Variants in AGMO observed in about 807,000 individuals in gnomAD.
AGMO encodes alkylglycerol monooxygenase.
AGMO carries 75 observed loss-of-function variants against 60.2 expected under a neutral mutation model. The ratio of observed to expected loss-of-function variants is 1.25; its 90% confidence interval spans 1.03 to 1.51. AGMO has a LOEUF of 1.51. Ranked by LOEUF, AGMO falls within the 40% of genes most tolerant of loss-of-function variation. The probability of loss-of-function intolerance (pLI) is 0.00; values close to 1 mark genes in which losing one functional copy is unlikely to be tolerated. For missense variants in AGMO, 763 were observed against 525.5 expected, an observed-to-expected ratio of 1.45 and a Z score of -4.42; for synonymous variants, 261 against 177.1, an observed-to-expected ratio of 1.47 and a Z score of -3.76.
chr7:15,373,061 C>T (rs573030005), intron 10 of AGMO, among the ~76,000 whole-genome samples: 7 of 152,160 alleles, frequency 4.6e-5, no homozygotes, highest in Middle Eastern at 3.4e-3. Flanking sequence ...GCCAGGAGTT[C>T]GAGACCAGCC....
intron 3 of AGMO, among the ~76,000 whole-genome samples, chr7:15,484,747 T>C (rs554528275): frequency 2.6e-5 from 4 of 152,252 alleles, no homozygotes; most frequent in East Asian, 1.9e-4. Context: ...AAGGGGAAGA[T>C]AGAGATGGCA....
chr7:15,560,923 A>G (rs1378896093), intron 1 of AGMO, among the ~76,000 whole-genome samples: 1 of 152,204 alleles, frequency 6.6e-6, no homozygotes, highest in Non-Finnish European at 1.5e-5. Context: ...ATTTATGAAG[A>G]TATCAGTGCC....
chr7:15,241,459 C>CAACAAA lies in AGMO; in HGVS notation c.1264-40101_1264-40100insTTTGTT, dbSNP rs1397699834. Among the ~76,000 whole-genome samples, 5 of 51,362 alleles carry CAACAAA rather than the reference C, an allele frequency of 9.7e-5. 1 individual carries two copies. Among genetic ancestry groups the CAACAAA allele is most frequent in the Admixed American group, 2.5e-4 (1 of 3,944 alleles). The allele number at this position is 51,362 out of a possible 152,430, so 33.7% of individuals were successfully genotyped here. Reference sequence around the variant, plus strand: ...TGGGCGAAAGAGTGAGACTCCGTCTCAAAAAAAAAAAAAAAAAAAAAAAAA... The same window carrying CAACAAA: ...TGGGCGAAAGAGTGAGACTCCGTCTCAACAAAAAAAAAAAAAAAAAAAAAAAAAAAA... On this transcript the variant is annotated intron_variant, in intron 12 of 12. Transcript: ENST00000342526.
chr7:15,357,086 T>C (rs1782562796), intron 12 of AGMO, among the ~76,000 whole-genome samples: 1 of 151,136 alleles, frequency 6.6e-6, no homozygotes, highest in Non-Finnish European at 1.5e-5. Context: ...ATTGCACCAT[T>C]GCACAGAAGC....
chr7:15,547,476 G>T lies in AGMO; in HGVS notation c.258-2553C>A, dbSNP rs545565142. Among the ~76,000 whole-genome samples the T allele has an allele frequency of 4.1e-3, 629 of 152,210 alleles. 2 individuals are homozygous for T. Among genetic ancestry groups the T allele is most frequent in the Non-Finnish European group, 7.2e-3 (493 of 68,036 alleles). ...TGGGTGCGCGCACCGTGCGCGAGCC[G>T]AAGCAGGGCAAGGCATTGCCTCACT... On this transcript the variant is annotated intron_variant, in intron 2 of 12. Transcript: ENST00000342526.
intron 12 of AGMO, among the ~76,000 whole-genome samples, chr7:15,272,377 G>T (rs1407740668): frequency 6.7e-6 from 1 of 149,674 alleles, no homozygotes; most frequent in Non-Finnish European, 1.5e-5. Flanking sequence ...AGAACATGCG[G>T]TGTTTGGTTT....
At chr7:15,515,782 A>C (rs1201009618) in intron 3 of AGMO, among the ~76,000 whole-genome samples, 1 of 152,202 alleles carries the variant, frequency 6.6e-6, no homozygotes, top group Non-Finnish European at 1.5e-5. Context: ...TAAGCAATGA[A>C]GTCATTTTGT....
intron 12 of AGMO, among the ~76,000 whole-genome samples, chr7:15,313,899 T>C (rs1283639690): frequency 6.6e-6 from 1 of 151,986 alleles, no homozygotes; most frequent in Admixed American, 6.6e-5. Context: ...AATACCTTGC[T>C]GTACTATACT....
chr7:15,330,921 T>C (rs1346721488), intron 12 of AGMO, among the ~76,000 whole-genome samples: 6 of 152,142 alleles, frequency 3.9e-5, no homozygotes, highest in East Asian at 1.9e-4. Context: ...CCACAGTGAA[T>C]TGGGACTAGG....
chr7:15,360,171 T>C (rs1782693409), intron 12 of AGMO, among the ~76,000 whole-genome samples: 2 of 152,194 alleles, frequency 1.3e-5, no homozygotes, highest in Admixed American at 6.5e-5. Context: ...TTATTCTCAT[T>C]ATGCAGAAGA....
At chr7:15,227,218 C>T (rs1372947748) in intron 12 of AGMO, among the ~76,000 whole-genome samples, 3 of 152,004 alleles carry the variant, frequency 2.0e-5, no homozygotes, top group African/African-American at 7.2e-5. Flanking sequence ...AGTATATTCT[C>T]AGTAACAAAT....
Position 15,418,565 on chromosome 7 carries a change from T to C in AGMO, c.602A>G (p.His201Arg), listed in dbSNP as rs750898821. 4.4e-6 allele frequency: 7 copies of C among 1,586,130 alleles called. No individual in the cohort carries two copies. Among genetic ancestry groups the C allele is most frequent in the Admixed American group, 1.8e-5 (1 of 55,486 alleles). ...GATAAAAAAAAGTTTTACCTCTGTA[T>C]GGATCCAAAATTGGTAAAGAAGATT... ...QFNLLYQFWI[H>R]TEVINNLGPL... The change falls in exon 5 of 13, where the codon CAT becomes CGT. Residue 201 changes from histidine to arginine, a missense_variant. Coordinates refer to ENST00000342526, the MANE Select transcript of AGMO (RefSeq NM_001004320.2).
At chr7:15,371,919 A>C (rs199672016) in intron 10 of AGMO, among the ~76,000 whole-genome samples, 1 of 76,850 alleles carries the variant, frequency 1.3e-5, no homozygotes, top group Non-Finnish European at 2.9e-5. Flanking sequence ...TTAAATTATT[A>C]AGTGTTTCTA....
chr7:15,514,851 G>T (rs1001973434), intron 3 of AGMO, among the ~76,000 whole-genome samples: 2 of 152,164 alleles, frequency 1.3e-5, no homozygotes, highest in African/African-American at 2.4e-5. Context: ...TGGGCAGCTT[G>T]CTCACTCCCT....
In AGMO at chr7:15,390,685, G is replaced by A. The variant is rs1483774707; in HGVS notation, c.808C>T (p.Pro270Ser). ...AAGTATGTTACCTGCACTTTGATTGGTTCAAATGTATTAATGGGATGTGTT... is the reference window on the plus strand; with the variant it reads ...AAGTATGTTACCTGCACTTTGATTGATTCAAATGTATTAATGGGATGTGTT... ...GLTHPINTFE[P>S]IKVQFHHLFS... Residue 270 changes from proline to serine, a missense_variant, in exon 8 of 13, where the codon CCA becomes TCA. Physicochemically the swap from Pro to Ser is moderately conservative, Grantham distance 74. Transcript: ENST00000342526. 2 of 1,604,264 alleles carry A rather than the reference G, an allele frequency of 1.2e-6. No individual in the cohort carries two copies. The highest frequency in any genetic ancestry group is 1.7e-6 in the Non-Finnish European group (2 of 1,173,626).
Position 15,394,073 on chromosome 7 carries a change from G to A in AGMO, c.676+40C>T, listed in dbSNP as rs751519665. 12 of 1,450,182 alleles carry A rather than the reference G, an allele frequency of 8.3e-6. No homozygotes were observed. The South Asian group carries it at 1.0e-4, about 13-fold the overall frequency. 89.8% of individuals were successfully genotyped at this position (1,450,182 alleles called of 1,614,324 possible). ...AAGGAAAATAATAATGCAATTTTTA[G>A]AGAAATGAAGAAAAGAGAGAAGAAA... is the stretch of plus-strand genomic sequence containing the variant. On this transcript the variant is annotated intron_variant, in intron 6 of 12. Coordinates refer to ENST00000342526, the MANE Select transcript of AGMO (RefSeq NM_001004320.2).
chr7:15,411,239 A>G (rs1780593447), intron 5 of AGMO, among the ~76,000 whole-genome samples: 1 of 151,950 alleles, frequency 6.6e-6, no homozygotes, highest in African/African-American at 2.4e-5. Flanking sequence ...AGCCTCTAGA[A>G]CTTTGAGCCA....
intron 12 of AGMO, among the ~76,000 whole-genome samples, chr7:15,344,105 A>G (rs1405723293): frequency 1.3e-5 from 2 of 152,126 alleles, no homozygotes; most frequent in Admixed American, 6.6e-5. Context: ...GTAAATCAAG[A>G]ATTTCTTGAT....
intron 3 of AGMO, among the ~76,000 whole-genome samples, chr7:15,466,680 C>T (rs1782299249): frequency 6.6e-6 from 1 of 152,104 alleles, no homozygotes; most frequent in Non-Finnish European, 1.5e-5. Context: ...ATCCCTTCAT[C>T]TGTTAAGAGG....
Sources: allele counts gnomAD v4.1 joint callset (sites outside exome capture counted in the v4.1 genomes callset), GRCh38; gene constraint gnomAD v4.1.1; transcripts MANE v1.5; gene names NCBI Gene and HGNC (gene_info 2026-07-23, HGNC 2026-07-21).